NRG3: variants seen among roughly 807,000 people sequenced by gnomAD.
NRG3 encodes the protein neuregulin 3.
NRG3 carries 31 observed loss-of-function variants against 66.9 expected under a neutral mutation model. The observed-to-expected ratio is 0.46, with a 90% CI of 0.35 to 0.63. NRG3 has a LOEUF of 0.63. NRG3 is among the 20% of genes least tolerant of loss of function. NRG3 has a pLI of 0.00. For synonymous variants in NRG3, 393 were observed against 359.4 expected (o/e 1.09, Z -1.06); for missense variants, 910 against 878.9 (o/e 1.04, Z -0.45).
At chr10:82,738,508 T>C (rs913611408) in intron 2 of NRG3, 69 bp from the exon 3 acceptor site, 4 of 1,235,546 alleles carry the variant, frequency 3.2e-6, no homozygotes, top group African/African-American at 3.0e-5. Context: ...TGATGGCTAT[T>C]TTACTTGTTG....
At chr10:82,683,868 C>G (rs1181199329) in intron 2 of NRG3, among the ~76,000 whole-genome samples, 1 of 152,132 alleles carries the variant, frequency 6.6e-6, no homozygotes, top group East Asian at 1.9e-4. Context: ...CATTATTTTT[C>G]TTTACATTTT....
intron 1 of NRG3, among the ~76,000 whole-genome samples, chr10:81,944,748 A>G (rs1025176758): frequency 1.3e-5 from 2 of 152,132 alleles, no homozygotes; most frequent in Non-Finnish European, 2.9e-5. Flanking sequence ...TATAGGATGA[A>G]TGAAACTTCT....
intron 2 of NRG3, among the ~76,000 whole-genome samples, chr10:82,731,504 C>T (rs147051020): frequency 1.0e-3 from 155 of 152,214 alleles, no homozygotes; most frequent in African/African-American, 3.4e-3. Flanking sequence ...TCCACGTATA[C>T]GTGATAACGT....
chr10:82,884,977 T>C (rs929207400), intron 4 of NRG3, among the ~76,000 whole-genome samples: 2 of 152,220 alleles, frequency 1.3e-5, no homozygotes, highest in African/African-American at 4.8e-5. Context: ...AGTGAGGACA[T>C]ACTGAGATGG....
At chr10:82,551,987 G>T (rs552859004) in intron 2 of NRG3, among the ~76,000 whole-genome samples, 1 of 151,746 alleles carries the variant, frequency 6.6e-6, no homozygotes, top group South Asian at 2.1e-4. Flanking sequence ...GAGGGACTGG[G>T]CCCATTCGAA....
At chr10:82,963,377 T>G (rs1850869391) in intron 6 of NRG3, among the ~76,000 whole-genome samples, 1 of 152,212 alleles carries the variant, frequency 6.6e-6, no homozygotes, top group Non-Finnish European at 1.5e-5. Context: ...GTTCCCAAAT[T>G]GTTTATCAAG....
intron 1 of NRG3, among the ~76,000 whole-genome samples, chr10:81,905,841 T>C (rs1844552387): frequency 1.3e-5 from 2 of 152,242 alleles, no homozygotes. Flanking sequence ...TTTTGCATAA[T>C]TGGAATTTGC....
chr10:81,885,934 A>G (rs866522286), intron 1 of NRG3, among the ~76,000 whole-genome samples: 13 of 152,168 alleles, frequency 8.5e-5, no homozygotes, highest in Non-Finnish European at 8.8e-5. Context: ...TTTATATTAA[A>G]TGATAGCTTG....
intron 2 of NRG3, among the ~76,000 whole-genome samples, chr10:82,648,823 A>C (rs1162536895): frequency 6.6e-6 from 1 of 152,162 alleles, no homozygotes; most frequent in East Asian, 1.9e-4. Flanking sequence ...TTACTGGTGT[A>C]TGAGAATGCT....
intron 1 of NRG3, among the ~76,000 whole-genome samples, chr10:82,039,438 T>C (rs2062932141): frequency 6.6e-6 from 1 of 152,092 alleles, no homozygotes; most frequent in South Asian, 2.1e-4. Context: ...GCATTGGGGA[T>C]AGTAGTAAAT....
chr10:82,785,331 G>A (rs529455868), intron 3 of NRG3, among the ~76,000 whole-genome samples: 1 of 151,464 alleles, frequency 6.6e-6, no homozygotes, highest in South Asian at 2.1e-4. Flanking sequence ...TTGTGCACGT[G>A]TACCCTAAAA....
At chr10:82,360,860 C>T (rs12240451) in intron 2 of NRG3, among the ~76,000 whole-genome samples, 18,908 of 151,424 alleles carry the variant, frequency 0.12, 2,160 homozygotes, top group African/African-American at 0.29. Context: ...TTGAGGCCTC[C>T]CTCCTTGACT....
intron 4 of NRG3, among the ~76,000 whole-genome samples, chr10:82,867,766 G>A (rs1800689766): frequency 6.6e-6 from 1 of 152,192 alleles, no homozygotes; most frequent in African/African-American, 2.4e-5. Flanking sequence ...GGTATAACTG[G>A]TGGAAGAGGA....
intron 2 of NRG3, among the ~76,000 whole-genome samples, chr10:82,561,485 C>G (rs1328318181): frequency 2.6e-5 from 4 of 152,240 alleles, no homozygotes; most frequent in African/African-American, 9.6e-5. Flanking sequence ...AACCTCGCCT[C>G]TACCAAAAAT....
At chr10:81,903,994 A>G (rs11191745) in intron 1 of NRG3, among the ~76,000 whole-genome samples, 1 of 103,436 alleles carries the variant, frequency 9.7e-6, no homozygotes, top group Non-Finnish European at 2.0e-5. Flanking sequence ...ATATATATAT[A>G]TATTTTTTTT....
intron 4 of NRG3, among the ~76,000 whole-genome samples, chr10:82,888,601 C>T (rs1842905152): frequency 6.6e-6 from 1 of 151,980 alleles, no homozygotes; most frequent in Non-Finnish European, 1.5e-5. Flanking sequence ...ACTTACTGTA[C>T]GCCAATCATT....
intron 2 of NRG3, among the ~76,000 whole-genome samples, chr10:82,667,656 A>T (rs1288365629): frequency 6.6e-6 from 1 of 152,186 alleles, no homozygotes; most frequent in Non-Finnish European, 1.5e-5. Flanking sequence ...GGGCACCCCC[A>T]GCCAAGTGAT....
At chr10:82,123,410 A>G (rs2068220804) in intron 1 of NRG3, among the ~76,000 whole-genome samples, 1 of 152,072 alleles carries the variant, frequency 6.6e-6, no homozygotes, top group African/African-American at 2.4e-5. Flanking sequence ...TTTTAAGTAG[A>G]GGTATAGAAA....
In NRG3 at chr10:82,475,316, T is replaced by C. The variant is rs186520892; in HGVS notation, c.953+116448T>C. Among the ~76,000 whole-genome samples, 12 of 152,148 alleles carry C rather than the reference T, an allele frequency of 7.9e-5. No individual in the cohort carries two copies. The East Asian group carries it at 2.3e-3, about 29-fold the overall frequency. On this transcript the variant is annotated intron_variant, in intron 2 of 8. Transcript: ENST00000372141. The stretch of plus-strand genomic sequence containing the variant: ...TGAAATACAAATAATTATAAGACAG[T>C]ATTATAAACAATATAACCAACAAAT...
Sources: gnomAD v4.1 joint callset for allele counts (sites outside exome capture counted in the v4.1 genomes callset) on GRCh38, gnomAD v4.1.1 for gene constraint, MANE v1.5 for transcripts, NCBI Gene and HGNC (gene_info 2026-07-23, HGNC 2026-07-21) for gene names.